MGMT: variants seen among roughly 807,000 people sequenced by gnomAD.
The protein encoded by MGMT is O-6-methylguanine-DNA methyltransferase, also known as methylated-DNA--protein-cysteine methyltransferase.
In MGMT, 14 loss-of-function variants were observed where a neutral mutation model predicts 15.9. That is an observed-to-expected ratio of 0.88 (90% CI 0.58 to 1.37). MGMT has a LOEUF of 1.37. Among genes scored for constraint, MGMT ranks in the 40% most tolerant of loss-of-function variants. The probability of loss-of-function intolerance (pLI) is 0.00; values close to 1 mark genes in which losing one functional copy is unlikely to be tolerated. For synonymous variants in MGMT, 130 were observed against 118.2 expected (o/e 1.10, Z -0.65); for missense variants, 282 against 268.1 (o/e 1.05, Z -0.36).
At chr10:129,530,843 G>T (rs954136847) in intron 1 of MGMT, among the ~76,000 whole-genome samples, 1 of 152,228 alleles carries the variant, frequency 6.6e-6, no homozygotes, top group African/African-American at 2.4e-5. Context: ...GGCCTGCGTG[G>T]CTCCTCGCCC....
At chr10:129,495,040 C>CAT (rs1845506778) in intron 1 of MGMT, among the ~76,000 whole-genome samples, 1 of 152,178 alleles carries the variant, frequency 6.6e-6, no homozygotes, top group African/African-American at 2.4e-5. Flanking sequence ...TTGCAAAACC[C>CAT]ATTTAAATAA....
At chr10:129,582,303 A>T (rs1325436939) in intron 2 of MGMT, among the ~76,000 whole-genome samples, 2 of 152,072 alleles carry the variant, frequency 1.3e-5, no homozygotes, top group Non-Finnish European at 2.9e-5. Flanking sequence ...AGCCGTTGAG[A>T]GTGTGCTCTG....
chr10:129,762,881 C>G (rs1318493562), intron 4 of MGMT, among the ~76,000 whole-genome samples: 8 of 152,028 alleles, frequency 5.3e-5, no homozygotes, highest in Admixed American at 5.2e-4. Context: ...GCACAGGGAG[C>G]TATTGATTAC....
intron 1 of MGMT, among the ~76,000 whole-genome samples, chr10:129,470,749 C>A (rs1413130243): frequency 6.6e-6 from 1 of 152,204 alleles, no homozygotes; most frequent in Non-Finnish European, 1.5e-5. Context: ...GGTTTTGACA[C>A]CACAAGTTGT....
chr10:129,538,490 G>A (rs1358646823), intron 2 of MGMT, among the ~76,000 whole-genome samples: 1 of 152,224 alleles, frequency 6.6e-6, no homozygotes, highest in Admixed American at 6.5e-5. Flanking sequence ...GGTGGTGTCA[G>A]TTTTTCAGAT....
At chr10:129,740,310 G>A (rs989256799) in intron 3 of MGMT, among the ~76,000 whole-genome samples, 5 of 152,062 alleles carry the variant, frequency 3.3e-5, no homozygotes, top group African/African-American at 9.7e-5. Flanking sequence ...GCTGAGGTCC[G>A]GTGTTTTTAA....
intron 2 of MGMT, among the ~76,000 whole-genome samples, chr10:129,553,644 A>C (rs1315443546): frequency 6.6e-6 from 1 of 152,234 alleles, no homozygotes; most frequent in Non-Finnish European, 1.5e-5. Context: ...CCTGGCCTCA[A>C]GGAGCTTTGT....
intron 3 of MGMT, among the ~76,000 whole-genome samples, chr10:129,725,824 T>C (rs1184430929): frequency 1.3e-5 from 2 of 152,206 alleles, no homozygotes; most frequent in Non-Finnish European, 2.9e-5. Context: ...CGGTCCTCCA[T>C]GTAAACTACC....
At chr10:129,625,064 G>T (rs1847131480) in intron 2 of MGMT, among the ~76,000 whole-genome samples, 1 of 152,088 alleles carries the variant, frequency 6.6e-6, no homozygotes, top group South Asian at 2.1e-4. Flanking sequence ...TAATATAAAT[G>T]AAAAGGAAAG....
intron 2 of MGMT, among the ~76,000 whole-genome samples, chr10:129,687,397 G>T (rs1297449839): frequency 6.6e-6 from 1 of 152,066 alleles, no homozygotes; most frequent in Non-Finnish European, 1.5e-5. Context: ...CGACGCCAAG[G>T]GTATCACTGG....
At chr10:129,717,519 A>G (rs934348775) in intron 3 of MGMT, 2 of 152,210 alleles carry the variant, frequency 1.3e-5, no homozygotes, top group Admixed American at 6.5e-5. Context: ...ATGATTTGCA[A>G]ATTGTCCTCT....
intron 3 of MGMT, among the ~76,000 whole-genome samples, chr10:129,723,962 C>A (rs1295844577): frequency 1.3e-5 from 2 of 152,218 alleles, no homozygotes; most frequent in African/African-American, 4.8e-5. Flanking sequence ...AAAGGTCTAG[C>A]AGCTGCTTAT....
intron 1 of MGMT, among the ~76,000 whole-genome samples, chr10:129,488,040 C>CACAT (rs1196132625): frequency 2.0e-5 from 3 of 148,486 alleles, no homozygotes; most frequent in Non-Finnish European, 4.5e-5. Context: ...CACACACACA[C>CACAT]ATGAATATAC....
intron 3 of MGMT, among the ~76,000 whole-genome samples, chr10:129,728,479 A>G (rs1024412508): frequency 2.6e-5 from 4 of 152,118 alleles, no homozygotes; most frequent in Admixed American, 6.5e-5. Context: ...CAGGGGTCGC[A>G]GAAGAGGACC....
chr10:129,567,152 T>A (rs1210690762), intron 2 of MGMT, among the ~76,000 whole-genome samples: 1 of 152,182 alleles, frequency 6.6e-6, no homozygotes, highest in East Asian at 1.9e-4. Flanking sequence ...TTCTCCCGCC[T>A]GCGGACTCCC....
At chr10:129,563,461 A>G (rs1161382450) in intron 2 of MGMT, among the ~76,000 whole-genome samples, 1 of 152,094 alleles carries the variant, frequency 6.6e-6, no homozygotes, top group African/African-American at 2.4e-5. Context: ...TCTGTCCCCT[A>G]CATTCATATA....
rs546439980 is a variant in MGMT at position 129,650,282 on chromosome 10, C to T, written c.126-57613C>T. The stretch of plus-strand genomic sequence containing the variant: ...GCACGTTCGTAATTGTGAACCTCAA[C>T]GCAAAGCAGGTGTTGTTGTAAATCT... On this transcript the variant is annotated intron_variant, in intron 2 of 4. Coordinates refer to ENST00000651593, the MANE Select transcript of MGMT (RefSeq NM_002412.5). Among the ~76,000 whole-genome samples the T allele has an allele frequency of 5.3e-5, 8 of 152,226 alleles. 1 individual carries two copies. The South Asian group carries it at 8.3e-4, about 16-fold the overall frequency.
At chr10:129,736,928 T>C (rs534633154) in intron 3 of MGMT, among the ~76,000 whole-genome samples, 3 of 152,356 alleles carry the variant, frequency 2.0e-5, no homozygotes, top group East Asian at 1.9e-4. Flanking sequence ...CCAAGAGATC[T>C]GCTGTTAGTC....
At chr10:129,729,611 G>T (rs1050466250) in intron 3 of MGMT, among the ~76,000 whole-genome samples, 3 of 152,180 alleles carry the variant, frequency 2.0e-5, no homozygotes, top group Non-Finnish European at 4.4e-5. Flanking sequence ...TCCCCAAAGA[G>T]CTTCTCATTT....
Sources: allele counts gnomAD v4.1 joint callset (sites outside exome capture counted in the v4.1 genomes callset), GRCh38; gene constraint gnomAD v4.1.1; transcripts MANE v1.5; gene names NCBI Gene and HGNC (gene_info 2026-07-23, HGNC 2026-07-21).